PHKB: variants seen among roughly 807,000 people sequenced by gnomAD.
PHKB encodes the protein phosphorylase kinase regulatory subunit beta.
In PHKB, 122 loss-of-function variants were observed where a neutral mutation model predicts 152.1. That is an observed-to-expected ratio of 0.80 (90% CI 0.69 to 0.93). The LOEUF is 0.93. Ranked by LOEUF, PHKB falls within the 40% of genes least tolerant of loss-of-function variation. PHKB has a pLI of 0.00. For synonymous variants in PHKB, 436 were observed against 464.9 expected (o/e 0.94, Z 0.80); for missense variants, 1,304 against 1,328.4 (o/e 0.98, Z 0.29).
At position 47,624,570 on chromosome 16, in the gene PHKB, T is replaced by C. The variant is rs1019218759; in HGVS notation, c.1458+13650T>C. On this transcript the variant is annotated intron_variant, in intron 14 of 30. Coordinates refer to ENST00000323584, the MANE Select transcript of PHKB (RefSeq NM_000293.3). The stretch of plus-strand genomic sequence containing the variant: ...GAATCCCAGAAGACTAAGAAAAACC[T>C]CTATCCCCAGGCATTAACTCACCCA... Among the ~76,000 whole-genome samples the C allele has an allele frequency of 2.6e-5, 4 of 152,300 alleles. No individual in the cohort carries two copies. The East Asian group carries it at 7.7e-4, about 29-fold the overall frequency.
intron 6 of PHKB, among the ~76,000 whole-genome samples, chr16:47,544,195 G>A (rs1167005540): frequency 6.6e-6 from 1 of 152,104 alleles, no homozygotes; most frequent in African/African-American, 2.4e-5. Flanking sequence ...GTCGATTTTG[G>A]ATCTTTCCCA....
Position 47,461,377 on chromosome 16 carries a change from A to C in PHKB, c.27A>C (p.Ala9=), listed in dbSNP as rs374068481. Residue 9 remains alanine, a synonymous_variant, in exon 1 of 31, where the codon GCA becomes GCC. Transcript: ENST00000323584. MAGAAGLT[A]EVSWKVLERR... ...TGGCGGGGGCGGCGGGACTCACGGCAGAAGTGAGCTGGAAGGTCTTGGAGC... is the reference window on the plus strand; with the variant it reads ...TGGCGGGGGCGGCGGGACTCACGGCCGAAGTGAGCTGGAAGGTCTTGGAGC... The C allele has an allele frequency of 2.5e-6, 4 of 1,612,642 alleles. No homozygotes were observed. In the Admixed American group the frequency reaches 5.0e-5, roughly 20 times the overall value.
intron 14 of PHKB, among the ~76,000 whole-genome samples, chr16:47,613,749 CTTTA>C (rs2039999072): frequency 6.6e-6 from 1 of 152,106 alleles, no homozygotes; most frequent in South Asian, 2.1e-4. Flanking sequence ...TGTGTTATTC[CTTTA>C]TAATCATACC....
rs1041149574 is a variant in PHKB, at chr16:47,470,825, T to A, written c.76+9399T>A. Among the ~76,000 whole-genome samples, 14 of 152,194 alleles carry A rather than the reference T, an allele frequency of 9.2e-5. No individual in the cohort carries two copies. The East Asian group carries it at 2.7e-3, about 29-fold the overall frequency. ...TTAACTGATGTTTATTGGACCTCTC[T>A]GATGTAGGAAGTTTGTAATAAATAA... On this transcript the variant is annotated intron_variant, in intron 1 of 30. Transcript: ENST00000323584.
chr16:47,620,098 T>C (rs1972591083), intron 14 of PHKB, among the ~76,000 whole-genome samples: 1 of 152,242 alleles, frequency 6.6e-6, no homozygotes, highest in South Asian at 2.1e-4. Flanking sequence ...AATTGCTTTT[T>C]TCTCCCTTCA....
intron 26 of PHKB, among the ~76,000 whole-genome samples, chr16:47,685,508 G>A (rs1973949209): frequency 1.3e-5 from 2 of 152,140 alleles, no homozygotes; most frequent in South Asian, 4.1e-4. Flanking sequence ...GGGATAATTA[G>A]CCTGATTTTC....
At chr16:47,590,320 A>G (rs1972007523) in intron 10 of PHKB, 1 of 140,176 alleles carries the variant, frequency 7.1e-6, no homozygotes, top group Non-Finnish European at 1.5e-5. Context: ...AGATCTCCCT[A>G]TGTTGCCCAG....
intron 26 of PHKB, among the ~76,000 whole-genome samples, chr16:47,681,704 T>C (rs878864380): frequency 6.6e-6 from 1 of 152,214 alleles, no homozygotes; most frequent in Non-Finnish European, 1.5e-5. Flanking sequence ...AGCACACTGA[T>C]GGGTCTTGAC....
intron 16 of PHKB, among the ~76,000 whole-genome samples, chr16:47,646,393 G>C (rs1326070912): frequency 1.0e-5 from 1 of 100,004 alleles, no homozygotes; most frequent in Non-Finnish European, 2.0e-5. Context: ...GGTCGGGGGA[G>C]GGGGGAGGGA....
At chr16:47,491,033 TC>T (rs1166703329) in intron 1 of PHKB, among the ~76,000 whole-genome samples, 2 of 152,232 alleles carry the variant, frequency 1.3e-5, no homozygotes, top group African/African-American at 4.8e-5. Flanking sequence ...ATTTTACTGT[TC>T]TTATACACCT....
chr16:47,656,010 GTT>G (rs1189939344), intron 20 of PHKB, among the ~76,000 whole-genome samples: 1 of 151,326 alleles, frequency 6.6e-6, no homozygotes, highest in Non-Finnish European at 1.5e-5. Context: ...GATTCAAAGA[GTT>G]TTACTTTTTT....
At chr16:47,532,549 G>A (rs572905821) in intron 6 of PHKB, among the ~76,000 whole-genome samples, 2 of 152,328 alleles carry the variant, frequency 1.3e-5, no homozygotes, top group East Asian at 3.9e-4. Context: ...TCTGGACACT[G>A]CACAGTCAAA....
At chr16:47,564,589 G>A (rs1172340379) in intron 7 of PHKB, among the ~76,000 whole-genome samples, 1 of 152,034 alleles carries the variant, frequency 6.6e-6, no homozygotes, top group South Asian at 2.1e-4. Context: ...TGGGATTGCT[G>A]GATCCATTGG....
chr16:47,676,733 T>C (rs1973739307), intron 26 of PHKB, among the ~76,000 whole-genome samples: 2 of 152,198 alleles, frequency 1.3e-5, no homozygotes, highest in Non-Finnish European at 2.9e-5. Context: ...CTCACAGGAA[T>C]GGTATTCTGG....
intron 16 of PHKB, 56 bp downstream of exon 16, chr16:47,641,748 G>T: frequency 1.1e-6 from 1 of 919,282 alleles, no homozygotes; most frequent in Middle Eastern, 2.1e-4. Context: ...GAGCTTGATG[G>T]TTGGACTTAG....
intron 7 of PHKB, among the ~76,000 whole-genome samples, chr16:47,576,855 G>A (rs1334536256): frequency 6.6e-6 from 1 of 151,824 alleles, no homozygotes; most frequent in Non-Finnish European, 1.5e-5. Context: ...TATTTGAGGG[G>A]ACTTTTTTAT....
In PHKB at chr16:47,594,047, G is replaced by A. The variant is rs1397867992; in HGVS notation, c.1127-90G>A. The A allele has an allele frequency of 5.9e-6, 4 of 677,234 alleles. No individual in the cohort carries two copies. The Admixed American group carries it at 1.0e-4, about 17-fold the overall frequency. The allele number at this position is 677,234 out of a possible 1,614,324, so 42.0% of individuals were successfully genotyped here. ...GGCATAGAAAATTACCAAAATAATT[G>A]TAACTGGGCTAATATATTTTTTCTA... is the stretch of plus-strand genomic sequence containing the variant. On this transcript the variant is annotated intron_variant, in intron 11 of 30. Coordinates refer to ENST00000323584, the MANE Select transcript of PHKB (RefSeq NM_000293.3).
intron 16 of PHKB, among the ~76,000 whole-genome samples, chr16:47,644,464 C>A (rs1339686388): frequency 2.0e-5 from 3 of 152,150 alleles, no homozygotes; most frequent in Non-Finnish European, 4.4e-5. Flanking sequence ...AGATACAAAC[C>A]CAACTCTCAC....
At chr16:47,615,460 C>T (rs1190596677) in intron 14 of PHKB, among the ~76,000 whole-genome samples, 5 of 152,244 alleles carry the variant, frequency 3.3e-5, no homozygotes, top group African/African-American at 9.6e-5. Context: ...GATTGGCCAA[C>T]TGGTACCTCA....
Sources: allele counts gnomAD v4.1 joint callset (sites outside exome capture counted in the v4.1 genomes callset), GRCh38; gene constraint gnomAD v4.1.1; transcripts MANE v1.5; gene names NCBI Gene and HGNC (gene_info 2026-07-23, HGNC 2026-07-21).